SAMD5: variants seen among roughly 807,000 people sequenced by gnomAD.
The protein encoded by SAMD5 is sterile alpha motif domain-containing protein 5.
In SAMD5, 13 loss-of-function variants were observed where a neutral mutation model predicts 11.3. That is an observed-to-expected ratio of 1.15 (90% CI 0.75 to 1.83). SAMD5 has a LOEUF of 1.83. Ranked by LOEUF, SAMD5 falls within the 40% of genes most tolerant of loss-of-function variation. The pLI is 0.00. For missense variants in SAMD5, 255 were observed against 239.1 expected (o/e 1.07, Z -0.44); for synonymous variants, 129 against 111.3 (o/e 1.16, Z -1.00).
chr6:147,594,293 G>A lies in SAMD5; in HGVS notation c.162+84906G>A, dbSNP rs558360842. ...CTCTCGCTCATTTGCTTGCTAAGAT[G>A]CGATCAGAGTTAGGTAAGAGCAGAA... On this transcript the variant is annotated intron_variant, in intron 1 of 1. Transcript: ENST00000566741. Among the ~76,000 whole-genome samples, 5 of 152,234 alleles carry A rather than the reference G, an allele frequency of 3.3e-5. No individual in the cohort carries two copies. The South Asian group carries it at 1.0e-3, about 32-fold the overall frequency.
the SAMD5 span, among the ~76,000 whole-genome samples, chr6:147,828,167 G>C: frequency 0.045 from 6,888 of 152,220 alleles, 183 homozygotes; most frequent in African/African-American, 0.061. Context: ...AGTTATGAGA[G>C]TGTTAAACTC....
chr6:147,641,003 A>G (rs1264725649), intron 1 of SAMD5, among the ~76,000 whole-genome samples: 1 of 152,226 alleles, frequency 6.6e-6, no homozygotes, highest in Non-Finnish European at 1.5e-5. Context: ...TTAAAATTGC[A>G]TAATAGTAAG....
In SAMD5 at chr6:147,711,439, G is replaced by A. The variant is rs1394616817; in HGVS notation, c.163-25878G>A. 6.6e-6 allele frequency among the ~76,000 whole-genome samples: 1 copy of A among 152,170 alleles called. No homozygotes were observed. Among genetic ancestry groups the A allele is most frequent in the African/African-American group, 2.4e-5 (1 of 41,442 alleles). On this transcript the variant is annotated intron_variant, in intron 1 of 1. Coordinates refer to the SAMD5 transcript ENST00000566741. The surrounding 1 kb of genome is among the most constrained non-coding windows in gnomAD (Gnocchi z 4.1). Reference sequence around the variant, plus strand: ...ACCACAGTCTTGATCAAGCCAGGCCGCTCTAATTCTCAGCTGCTTCTCATT... The same window carrying A: ...ACCACAGTCTTGATCAAGCCAGGCCACTCTAATTCTCAGCTGCTTCTCATT...
chr6:147,724,937 C>T (rs1791605102), intron 1 of SAMD5, among the ~76,000 whole-genome samples: 1 of 151,904 alleles, frequency 6.6e-6, no homozygotes, highest in African/African-American at 2.4e-5. Context: ...AAAAAACTAG[C>T]TAATGTATGA....
At chr6:147,953,129 C>CTAA in the SAMD5 span, among the ~76,000 whole-genome samples, 1 of 152,112 alleles carries the variant, frequency 6.6e-6, no homozygotes, top group East Asian at 1.9e-4. Context: ...CCAAATTCAT[C>CTAA]TAATTCCAGT....
At chr6:147,520,012 T>G (rs1352326692) in intron 1 of SAMD5, among the ~76,000 whole-genome samples, 1 of 152,228 alleles carries the variant, frequency 6.6e-6, no homozygotes, top group African/African-American at 2.4e-5. Flanking sequence ...AGAAGTTTAT[T>G]TCTTCTGTAC....
chr6:147,789,893 C>A, the SAMD5 span, among the ~76,000 whole-genome samples: 2 of 152,220 alleles, frequency 1.3e-5, no homozygotes, highest in African/African-American at 2.4e-5. Flanking sequence ...CAGGGTACCA[C>A]AACACATCTA....
At chr6:147,542,669 A>ATCCG (rs1788625933) in intron 1 of SAMD5, among the ~76,000 whole-genome samples, 1 of 152,112 alleles carries the variant, frequency 6.6e-6, no homozygotes, top group Non-Finnish European at 1.5e-5. Context: ...GTGCCAGCTG[A>ATCCG]TCCGTCAAGG....
At position 147,564,822 on chromosome 6, in the gene SAMD5, A is replaced by T. The variant is rs150484796; in HGVS notation, c.*366A>T. The T allele has an allele frequency of 7.6e-3, 7,416 of 978,652 alleles. 57 individuals carry two copies. The highest frequency in any genetic ancestry group is 0.05 in the South Asian group (1,077 of 21,390). 60.6% of individuals were successfully genotyped at this position (978,652 alleles called of 1,614,324 possible). ...AACTTAGTTTAAGTACAATATAACA[A>T]AAAGGTAGATTTCTGACAGTAAGTA... On this transcript the variant is annotated 3_prime_UTR_variant, in exon 2 of 2. Coordinates refer to ENST00000367474, the MANE Select transcript of SAMD5 (RefSeq NM_001030060.3).
chr6:147,834,613 G>A, the SAMD5 span, among the ~76,000 whole-genome samples: 2 of 152,144 alleles, frequency 1.3e-5, no homozygotes, highest in African/African-American at 4.8e-5. Flanking sequence ...TATTTTATAG[G>A]CATTGCATCA....
At chr6:147,839,011 A>G in the SAMD5 span, among the ~76,000 whole-genome samples, 1 of 152,378 alleles carries the variant, frequency 6.6e-6, no homozygotes, top group South Asian at 2.1e-4. Flanking sequence ...CTATACAGGT[A>G]GAACAAAGTT....
At chr6:147,805,686 T>A in the SAMD5 span, among the ~76,000 whole-genome samples, 120 of 152,258 alleles carry the variant, frequency 7.9e-4, 1 homozygote, top group Non-Finnish European at 1.5e-3. Context: ...TTCCTTTCAA[T>A]AAGCTCAGCA....
At chr6:147,580,974 CT>C (rs1157497862) in intron 1 of SAMD5, among the ~76,000 whole-genome samples, 1 of 152,162 alleles carries the variant, frequency 6.6e-6, no homozygotes, top group Admixed American at 6.5e-5. Flanking sequence ...TAATCTACCT[CT>C]TGACATTCTC....
the SAMD5 span, among the ~76,000 whole-genome samples, chr6:147,819,653 C>A: frequency 6.6e-6 from 1 of 152,126 alleles, no homozygotes; most frequent in African/African-American, 2.4e-5. Context: ...AAGACAAATT[C>A]CAGTCCCAGC....
At chr6:147,786,742 T>C in the SAMD5 span, among the ~76,000 whole-genome samples, 1 of 152,214 alleles carries the variant, frequency 6.6e-6, no homozygotes, top group South Asian at 2.1e-4. Context: ...GCTGCCAGGT[T>C]TTCTAATTTA....
intron 1 of SAMD5, among the ~76,000 whole-genome samples, chr6:147,615,985 G>A (rs1227022468): frequency 6.6e-6 from 1 of 151,912 alleles, no homozygotes; most frequent in Admixed American, 6.6e-5. Flanking sequence ...TCACATGTGT[G>A]GTTACATTTA....
At chr6:147,923,565 A>C in the SAMD5 span, among the ~76,000 whole-genome samples, 90,307 of 152,060 alleles carry the variant, frequency 0.59, 27,634 homozygotes, top group African/African-American at 0.75. Flanking sequence ...TTAAAGCAGT[A>C]AATTAAGGCA....
chr6:147,620,451 T>G (rs969233086), intron 1 of SAMD5, among the ~76,000 whole-genome samples: 6 of 152,224 alleles, frequency 3.9e-5, no homozygotes, highest in African/African-American at 1.2e-4. Context: ...CTGTATTTAT[T>G]GTGCACCAAT....
chr6:147,919,406 T>C, the SAMD5 span, among the ~76,000 whole-genome samples: 1 of 152,178 alleles, frequency 6.6e-6, no homozygotes, highest in South Asian at 2.1e-4. Context: ...AACCATGCGC[T>C]AGCAGTTAAA....
Sources: allele counts gnomAD v4.1 joint callset (sites outside exome capture counted in the v4.1 genomes callset), GRCh38; gene constraint gnomAD v4.1.1; non-coding constraint Gnocchi (gnomAD v3.1); transcripts MANE v1.5; gene names NCBI Gene and HGNC (gene_info 2026-07-23, HGNC 2026-07-21).